Variants in CNTNAP2 observed in about 807,000 individuals in gnomAD.
The protein encoded by CNTNAP2 is contactin associated protein 2.
A neutral mutation model predicts 155.2 loss-of-function variants in CNTNAP2; 98 were observed. The ratio of observed to expected loss-of-function variants is 0.63; its 90% CI spans 0.54 to 0.75. The LOEUF is 0.75. Ranked by LOEUF, CNTNAP2 falls within the 30% of genes least tolerant of loss-of-function variation. The pLI is 0.00. For missense variants in CNTNAP2, 1,727 were observed against 1,688.1 expected (o/e 1.02, Z -0.40); for synonymous variants, 651 against 631.2 (o/e 1.03, Z -0.47).
chr7:147,399,861 G>T (rs2116464356), intron 10 of CNTNAP2, among the ~76,000 whole-genome samples: 1 of 152,244 alleles, frequency 6.6e-6, no homozygotes, highest in South Asian at 2.1e-4. Flanking sequence ...GGCAGAAATT[G>T]CTCTCTAACA....
intron 3 of CNTNAP2, among the ~76,000 whole-genome samples, chr7:146,868,278 C>A (rs1585129689): frequency 6.6e-6 from 1 of 151,842 alleles, no homozygotes; most frequent in Admixed American, 6.6e-5. Context: ...GAAGAGGGAG[C>A]CTTCCTCATT....
rs183368252 is a variant in CNTNAP2 at position 146,120,340 on chromosome 7, G to T, written c.97+3367G>T. 2.4e-3 allele frequency among the ~76,000 whole-genome samples: 364 copies of T among 152,174 alleles called. 3 individuals are homozygous for T. The highest frequency in any genetic ancestry group is 8.5e-3 in the African/African-American group (355 of 41,526). ...AAGCATAGCACATTATTTGCTTAAT[G>T]CAACTAATAATTATTAACTAATTGG... On this transcript the variant is annotated intron_variant, in intron 1 of 23. Coordinates refer to ENST00000361727, the MANE Select transcript of CNTNAP2 (RefSeq NM_014141.6).
intron 13 of CNTNAP2, among the ~76,000 whole-genome samples, chr7:147,878,360 A>G (rs930041608): frequency 6.6e-6 from 1 of 152,222 alleles, no homozygotes; most frequent in African/African-American, 2.4e-5. Flanking sequence ...CTTCTAATAC[A>G]GTATTTGACT....
At chr7:147,024,492 T>C (rs181319321) in intron 3 of CNTNAP2, among the ~76,000 whole-genome samples, 1 of 152,330 alleles carries the variant, frequency 6.6e-6, no homozygotes, top group East Asian at 1.9e-4. Flanking sequence ...ACTGTATTAG[T>C]CCATTCTTAC....
chr7:146,178,919 C>A (rs1203960393), intron 1 of CNTNAP2, among the ~76,000 whole-genome samples: 1 of 152,176 alleles, frequency 6.6e-6, no homozygotes, highest in African/African-American at 2.4e-5. Flanking sequence ...CCTAGCAGCT[C>A]TGTGACTTGC....
intron 18 of CNTNAP2, among the ~76,000 whole-genome samples, chr7:148,181,979 G>A (rs1467111837): frequency 3.3e-5 from 5 of 151,130 alleles, no homozygotes; most frequent in East Asian, 2.0e-4. Flanking sequence ...GGATGGTCTC[G>A]ATCTCCTGAC....
At chr7:146,651,272 A>G (rs910194855) in intron 1 of CNTNAP2, among the ~76,000 whole-genome samples, 28 of 152,162 alleles carry the variant, frequency 1.8e-4, no homozygotes, top group Admixed American at 3.3e-4. Context: ...GAATTCATAA[A>G]CAACTCTTTT....
chr7:147,859,716 G>A (rs1162551473), intron 13 of CNTNAP2, among the ~76,000 whole-genome samples: 1 of 152,130 alleles, frequency 6.6e-6, no homozygotes, highest in Non-Finnish European at 1.5e-5. Flanking sequence ...TTCAAAGAAT[G>A]TGTTAGTACA....
intron 13 of CNTNAP2, among the ~76,000 whole-genome samples, chr7:147,851,719 T>C (rs201306563): frequency 9.8e-5 from 13 of 132,796 alleles, no homozygotes; most frequent in African/African-American, 2.9e-4. Context: ...ATGAGAACAC[T>C]TGGACACAGG....
chr7:148,225,396 A>G (rs1472450910), intron 19 of CNTNAP2, among the ~76,000 whole-genome samples: 2 of 152,178 alleles, frequency 1.3e-5, no homozygotes, highest in African/African-American at 4.8e-5. Flanking sequence ...CTGGGGAATG[A>G]GCATCCTGAA....
chr7:146,391,759 G>A (rs1795547965), intron 1 of CNTNAP2, among the ~76,000 whole-genome samples: 1 of 151,914 alleles, frequency 6.6e-6, no homozygotes, highest in African/African-American at 2.4e-5. Flanking sequence ...TTTTGTTGTT[G>A]TTGTTGTTGT....
rs116866207 is a variant in CNTNAP2, at chr7:148,332,675, A to G, written c.3476-50974A>G. Among the ~76,000 whole-genome samples, 65 of 152,330 alleles carry G rather than the reference A, an allele frequency of 4.3e-4. 1 individual carries two copies. In the East Asian group the frequency reaches 0.012, roughly 28 times the overall value. ...AATTTCACACATTATCGTCAGTCAG[A>G]CATGGAAAGAGGTTCTCCAGGGGAA... On this transcript the variant is annotated intron_variant, in intron 21 of 23. Transcript: ENST00000361727.
At chr7:147,262,730 C>T (rs1051764550) in intron 8 of CNTNAP2, among the ~76,000 whole-genome samples, 11 of 152,114 alleles carry the variant, frequency 7.2e-5, no homozygotes, top group Non-Finnish European at 1.5e-4. Context: ...GGCATGAACC[C>T]GGGAGGCGGA....
intron 13 of CNTNAP2, among the ~76,000 whole-genome samples, chr7:147,698,435 T>A (rs1247098347): frequency 6.6e-6 from 1 of 152,246 alleles, no homozygotes; most frequent in African/African-American, 2.4e-5. Flanking sequence ...TATTGATAGA[T>A]TTGTTTTAAA....
chr7:148,097,340 T>TA (rs754030091), intron 15 of CNTNAP2, among the ~76,000 whole-genome samples: 7,164 of 77,946 alleles, frequency 0.092, 310 homozygotes, highest in Non-Finnish European at 0.11. Context: ...GTGTCATTTG[T>TA]AAAAAAAAAA....
chr7:147,053,947 C>T (rs1799514988), intron 4 of CNTNAP2, among the ~76,000 whole-genome samples: 1 of 152,090 alleles, frequency 6.6e-6, no homozygotes, highest in Non-Finnish European at 1.5e-5. Context: ...CCATCCAGCC[C>T]AATCCTCTAT....
intron 12 of CNTNAP2, among the ~76,000 whole-genome samples, chr7:147,565,673 A>G (rs1022649584): frequency 7.9e-5 from 12 of 152,190 alleles, no homozygotes; most frequent in Non-Finnish European, 1.3e-4. Context: ...TTAAAGAGAG[A>G]CAGTTATCAA....
chr7:147,889,887 T>A (rs551630398), intron 13 of CNTNAP2, among the ~76,000 whole-genome samples: 243 of 152,310 alleles, frequency 1.6e-3, no homozygotes, highest in Middle Eastern at 6.8e-3. Context: ...AGAAAATAAA[T>A]ATTTTTTCAA....
At position 146,300,003 on chromosome 7, in the gene CNTNAP2, G is replaced by A. The variant is rs144772445; in HGVS notation, c.97+183030G>A. 6.1e-4 allele frequency among the ~76,000 whole-genome samples: 93 copies of A among 152,278 alleles called. 1 individual carries two copies. The highest frequency in any genetic ancestry group is 2.1e-3 in the African/African-American group (86 of 41,574). On this transcript the variant is annotated intron_variant, in intron 1 of 23. Coordinates refer to ENST00000361727, the MANE Select transcript of CNTNAP2 (RefSeq NM_014141.6). ...ACCATGGAAGTAATATAAGCTGGTC[G>A]TTTAGAAAATTTCATCAATTGCGTT... is the stretch of plus-strand genomic sequence containing the variant.
Sources: gnomAD v4.1 joint callset for allele counts (sites outside exome capture counted in the v4.1 genomes callset) on GRCh38, gnomAD v4.1.1 for gene constraint, MANE v1.5 for transcripts, NCBI Gene and HGNC (gene_info 2026-07-23, HGNC 2026-07-21) for gene names.